TAFA4: variants seen among roughly 807,000 people sequenced by gnomAD.
TAFA4 encodes the protein TAFA chemokine like family member 4, also known as chemokine-like protein TAFA-4.
Under a neutral mutation model 21.1 loss-of-function variants are expected in TAFA4, and 20 were observed. That is an observed-to-expected ratio of 0.95 (90% CI 0.67 to 1.38). The LOEUF is 1.38. Among genes scored for constraint, TAFA4 ranks in the 40% most tolerant of loss-of-function variants. TAFA4 has a pLI of 0.00. For missense variants in TAFA4, 211 were observed against 180.9 expected (o/e 1.17, Z -0.95); for synonymous variants, 71 against 67.4 (o/e 1.05, Z -0.26).
rs76162280 is a variant in TAFA4 at position 68,864,926 on chromosome 3, A to C, written c.130+15804T>G. On this transcript the variant is annotated intron_variant, in intron 3 of 5. Coordinates refer to ENST00000295569, the MANE Select transcript of TAFA4 (RefSeq NM_182522.5). ...AAATGCAAACTCATCTACAGTGACCAAAAAAAAATCTGTGGTTGCCTAGGG... is the reference window on the plus strand; with the variant it reads ...AAATGCAAACTCATCTACAGTGACCCAAAAAAAATCTGTGGTTGCCTAGGG... 5.1e-3 allele frequency among the ~76,000 whole-genome samples: 778 copies of C among 151,712 alleles called. 4 individuals are homozygous for C. The highest frequency in any genetic ancestry group is 0.018 in the African/African-American group (735 of 41,426).
intron 3 of TAFA4, among the ~76,000 whole-genome samples, chr3:68,873,355 CACACA>C: frequency 6.9e-6 from 1 of 144,360 alleles, no homozygotes. Context: ...CACACACACA[CACACA>C]CACACACACA....
At chr3:68,842,333 C>G (rs1307887698) in intron 3 of TAFA4, among the ~76,000 whole-genome samples, 1 of 152,178 alleles carries the variant, frequency 6.6e-6, no homozygotes, top group African/African-American at 2.4e-5. Flanking sequence ...TTGCTGGCCA[C>G]ATCAATGTCT....
chr3:68,794,337 A>G (rs1015255807), intron 3 of TAFA4, among the ~76,000 whole-genome samples: 2 of 152,112 alleles, frequency 1.3e-5, no homozygotes, highest in Non-Finnish European at 1.5e-5. Flanking sequence ...TCCTGTCATA[A>G]TTTAAAAAGC....
intron 1 of TAFA4, among the ~76,000 whole-genome samples, chr3:68,895,105 C>G (rs544838142): frequency 6.6e-6 from 1 of 152,132 alleles, no homozygotes; most frequent in Admixed American, 6.5e-5. Context: ...TCAAGCAATT[C>G]TCCTGCCTCA....
intron 4 of TAFA4, among the ~76,000 whole-genome samples, chr3:68,751,263 G>A (rs1180676933): frequency 6.6e-6 from 1 of 152,190 alleles, no homozygotes; most frequent in Non-Finnish European, 1.5e-5. Context: ...AAGAGAGTGG[G>A]AAGCCACTAA....
intron 1 of TAFA4, among the ~76,000 whole-genome samples, chr3:68,930,760 G>A (rs1340108269): frequency 6.6e-6 from 1 of 152,132 alleles, no homozygotes; most frequent in African/African-American, 2.4e-5. Context: ...GAAGTGTTGG[G>A]CTTTCACACT....
chr3:68,862,005 G>A (rs1025632334), intron 3 of TAFA4, among the ~76,000 whole-genome samples: 1 of 152,012 alleles, frequency 6.6e-6, no homozygotes, highest in South Asian at 2.1e-4. Flanking sequence ...TCTGCCTCCT[G>A]CTGAGCATAT....
intron 3 of TAFA4, among the ~76,000 whole-genome samples, chr3:68,754,112 C>T (rs1020140815): frequency 6.6e-6 from 1 of 152,222 alleles, no homozygotes; most frequent in Non-Finnish European, 1.5e-5. Flanking sequence ...AAATTTCAGA[C>T]ATGATGCCCC....
chr3:68,760,652 G>A (rs1702742182), intron 3 of TAFA4, among the ~76,000 whole-genome samples: 1 of 152,186 alleles, frequency 6.6e-6, no homozygotes, highest in African/African-American at 2.4e-5. Context: ...GAGCAGAATA[G>A]AGGAAAGAGA....
rs778653238 is a variant in TAFA4, at chr3:68,880,761, G to A, written c.99C>T (p.Ser33=). ...YVLMVCCKLM[S]ASSQHLRGHA... is the part of the protein sequence containing the mutation. ...GTCCCCGGAGGTGCTGGCTTGAGGC[G>A]GACATCAGCTTACAGCACACCATTA... The change falls in exon 3 of 6, where the codon TCC becomes TCT. Residue 33 remains serine, a synonymous_variant. Transcript: ENST00000295569. 8.4e-5 allele frequency: 136 copies of A among 1,613,760 alleles called. No homozygotes were observed. Among genetic ancestry groups the A allele is most frequent in the South Asian group, 7.1e-4 (65 of 91,084 alleles).
chr3:68,928,983 AT>A, intron 1 of TAFA4, among the ~76,000 whole-genome samples: 2 of 71,494 alleles, frequency 2.8e-5, no homozygotes, highest in East Asian at 2.5e-4. Context: ...AATTAAGTTT[AT>A]TTAAAAAAAA....
intron 3 of TAFA4, among the ~76,000 whole-genome samples, chr3:68,779,450 G>A (rs539221838): frequency 1.5e-3 from 235 of 152,260 alleles, no homozygotes; most frequent in African/African-American, 5.2e-3. Context: ...TCCCATCACA[G>A]GCCTGGAGGT....
intron 3 of TAFA4, among the ~76,000 whole-genome samples, chr3:68,868,741 A>G (rs1002391149): frequency 3.3e-5 from 5 of 151,966 alleles, no homozygotes; most frequent in Admixed American, 6.6e-5. Context: ...ATACAGAAAA[A>G]GCAGCATTAA....
intron 3 of TAFA4, among the ~76,000 whole-genome samples, chr3:68,762,466 G>A (rs983166700): frequency 6.6e-6 from 1 of 152,150 alleles, no homozygotes; most frequent in African/African-American, 2.4e-5. Context: ...GAAGGAAATG[G>A]GTAGAGCATC....
intron 3 of TAFA4, among the ~76,000 whole-genome samples, chr3:68,808,293 C>T (rs915533584): frequency 1.3e-5 from 2 of 152,136 alleles, no homozygotes; most frequent in Admixed American, 1.3e-4. Context: ...CCTCAACCGT[C>T]CCACCTGAGT....
chr3:68,747,367 T>A (rs1702478047), intron 4 of TAFA4, among the ~76,000 whole-genome samples: 1 of 152,026 alleles, frequency 6.6e-6, no homozygotes, highest in Non-Finnish European at 1.5e-5. Context: ...TGCAAGGTAT[T>A]TGAATCATGG....
At chr3:68,880,986 A>G in intron 2 of TAFA4, 141 bp from the exon 3 acceptor site, 1 of 634,594 alleles carries the variant, frequency 1.6e-6, no homozygotes, top group Non-Finnish European at 2.8e-6. Context: ...CAGAAGACCA[A>G]TCAAACCTTA....
At chr3:68,741,591 G>A (rs934048599) in intron 4 of TAFA4, among the ~76,000 whole-genome samples, 8 of 151,908 alleles carry the variant, frequency 5.3e-5, no homozygotes, top group African/African-American at 9.7e-5. Context: ...TCAGGAGATC[G>A]AGACCATCCT....
intron 3 of TAFA4, among the ~76,000 whole-genome samples, chr3:68,865,271 A>G (rs1259474811): frequency 6.6e-6 from 1 of 151,306 alleles, no homozygotes; most frequent in Non-Finnish European, 1.5e-5. Flanking sequence ...TTTTTTTTTT[A>G]ATTTTTCTTT....
Sources: allele counts gnomAD v4.1 joint callset (sites outside exome capture counted in the v4.1 genomes callset), GRCh38; gene constraint gnomAD v4.1.1; transcripts MANE v1.5; gene names NCBI Gene and HGNC (gene_info 2026-07-23, HGNC 2026-07-21).